The following EXO1 variants were observed in gnomAD, a reference collection of about 807,000 sequenced individuals.
EXO1 encodes the protein exonuclease 1.
Under a neutral mutation model 84.5 loss-of-function variants are expected in EXO1, and 69 were observed. The ratio of observed to expected loss-of-function variants is 0.82; its 90% CI spans 0.67 to 1.00. EXO1 has a LOEUF of 1.00. Ranked by LOEUF, EXO1 falls within the 50% of genes least tolerant of loss-of-function variation. The pLI is 0.00. For missense variants in EXO1, 1,045 were observed against 1,000.7 expected, an observed-to-expected ratio of 1.04 and a Z score of -0.60; for synonymous variants, 373 against 366.1, an observed-to-expected ratio of 1.02 and a Z score of -0.21.
intron 4 of EXO1, 83 bp downstream of exon 4, chr1:241,850,669 T>C: frequency 8.8e-7 from 1 of 1,138,834 alleles, no homozygotes; most frequent in Non-Finnish European, 1.3e-6. Flanking sequence ...AAACGGATTG[T>C]TTTCACTCAA....
chr1:241,866,848 C>T lies in EXO1; in HGVS notation c.1060C>T (p.His354Tyr), dbSNP rs760597120. 1.3e-5 allele frequency: 21 copies of T among 1,612,426 alleles called. No homozygotes were observed. The highest frequency in any genetic ancestry group is 4.0e-5 in the African/African-American group (3 of 74,852). ...DTAMPAHSRS[H>Y]SWDDKTCQKS... ...TTTCTAGCCTGCCCATTCAAGAAGT[C>T]ATAGTTGGGATGACAAAACATGTCA... The change falls in exon 11 of 16, where the codon CAT (histidine) becomes TAT (tyrosine). Residue 354 changes from histidine (H) to tyrosine (Y), a missense_variant. Transcript: ENST00000366548.
chr1:241,873,949 C>T (rs1015190036), intron 12 of EXO1, among the ~76,000 whole-genome samples: 2 of 152,158 alleles, frequency 1.3e-5, no homozygotes, highest in Non-Finnish European at 1.5e-5. Context: ...GGGCTCAGGA[C>T]AACTCCTTGC....
Position 241,889,760 on chromosome 1 carries a change from GT to G in EXO1, c.*167del. 1 of 696,668 alleles carries G rather than the reference GT, an allele frequency of 1.4e-6. No individual in the cohort carries two copies. Among genetic ancestry groups the G allele is most frequent in the Non-Finnish European group, 2.5e-6 (1 of 404,760 alleles). The allele number at this position is 696,668 out of a possible 1,614,324, so 43.2% of individuals were successfully genotyped here. On this transcript the variant is annotated 3_prime_UTR_variant, in exon 16 of 16. Transcript: ENST00000366548. Reference sequence around the variant, plus strand: ...ATATTAACTTTATAATTGGGTTGTGGTTTTTTTGCTCAGCTTTTTATATTTT... The same window carrying G: ...ATATTAACTTTATAATTGGGTTGTGGTTTTTTGCTCAGCTTTTTATATTTT...
At position 241,872,067 on chromosome 1, in the gene EXO1, T is replaced by G. The variant is rs1662132260; in HGVS notation, c.1303T>G (p.Ser435Ala). ...AGAAGATGACCTGTTGAGTCAGTAT[T>G]CTCTTTCATTTACGAAGAAGACCAA... is the stretch of plus-strand genomic sequence containing the variant. ...LSEDDLLSQY[S>A]LSFTKKTKKN... The change falls in exon 12 of 16, where the codon TCT becomes GCT. Residue 435 changes from serine to alanine, a missense_variant. Coordinates refer to ENST00000366548, the MANE Select transcript of EXO1 (RefSeq NM_130398.4). 6.2e-7 allele frequency: 1 copy of G among 1,613,468 alleles called. No homozygotes were observed. Among genetic ancestry groups the G allele is most frequent in the Non-Finnish European group, 8.5e-7 (1 of 1,179,458 alleles).
intron 13 of EXO1, 99 bp downstream of exon 13, chr1:241,879,442 G>A: frequency 1.4e-6 from 1 of 697,988 alleles, no homozygotes; most frequent in South Asian, 1.8e-5. Flanking sequence ...TGAATGACGA[G>A]CTATATTATT....
chr1:241,866,210 T>G (rs1661714123), intron 10 of EXO1, among the ~76,000 whole-genome samples: 1 of 152,212 alleles, frequency 6.6e-6, no homozygotes, highest in Non-Finnish European at 1.5e-5. Flanking sequence ...GCCTCCTGGG[T>G]TCAAGTGATT....
intron 12 of EXO1, among the ~76,000 whole-genome samples, chr1:241,878,247 C>T (rs1662512509): frequency 6.6e-6 from 1 of 152,154 alleles, no homozygotes; most frequent in African/African-American, 2.4e-5. Context: ...GCCTGTAATC[C>T]CAACACTTTG....
intron 6 of EXO1, among the ~76,000 whole-genome samples, chr1:241,853,947 A>C (rs139044227): frequency 7.7e-4 from 117 of 152,132 alleles, no homozygotes; most frequent in Non-Finnish European, 1.3e-3. Flanking sequence ...TGTAACCGGC[A>C]CTCTTGAATG....
At chr1:241,857,879 T>C (rs1176470126) in intron 7 of EXO1, among the ~76,000 whole-genome samples, 2 of 152,206 alleles carry the variant, frequency 1.3e-5, no homozygotes, top group African/African-American at 4.8e-5. Context: ...TATACTAACT[T>C]ATGTACTAAA....
At chr1:241,855,880 G>GC (rs1660995066) in intron 6 of EXO1, among the ~76,000 whole-genome samples, 1 of 152,248 alleles carries the variant, frequency 6.6e-6, no homozygotes, top group Non-Finnish European at 1.5e-5. Context: ...TGAGTGCGGG[G>GC]CCGCCAAGCC....
chr1:241,870,348 A>G (rs1662019767), intron 11 of EXO1, among the ~76,000 whole-genome samples: 1 of 152,200 alleles, frequency 6.6e-6, no homozygotes, highest in South Asian at 2.1e-4. Context: ...TGATTTAAAG[A>G]TAGCCATTGT....
intron 10 of EXO1, among the ~76,000 whole-genome samples, chr1:241,862,038 G>C (rs962303170): frequency 6.6e-6 from 1 of 151,900 alleles, no homozygotes; most frequent in Non-Finnish European, 1.5e-5. Flanking sequence ...TCCCAGGTTC[G>C]AGCAATTCTC....
chr1:241,859,689 A>G (rs531517022), intron 8 of EXO1, among the ~76,000 whole-genome samples: 2 of 152,294 alleles, frequency 1.3e-5, no homozygotes, highest in African/African-American at 4.8e-5. Context: ...GATAATGTGT[A>G]CCCAACCTGT....
At chr1:241,855,390 A>C (rs1452533099) in intron 6 of EXO1, among the ~76,000 whole-genome samples, 5 of 152,178 alleles carry the variant, frequency 3.3e-5, no homozygotes, top group African/African-American at 9.6e-5. Context: ...AGCTAGACAC[A>C]GGGTGCTGAT....
chr1:241,888,175 G>A (rs913054150), intron 15 of EXO1, among the ~76,000 whole-genome samples: 3 of 152,130 alleles, frequency 2.0e-5, no homozygotes, highest in African/African-American at 4.8e-5. Context: ...GGGAGGTGGC[G>A]GTTGCAGTGA....
intron 13 of EXO1, among the ~76,000 whole-genome samples, chr1:241,880,246 C>T (rs868802528): frequency 6.6e-6 from 1 of 152,188 alleles, no homozygotes; most frequent in South Asian, 2.1e-4. Context: ...CTTCATACTG[C>T]ATCTTCTCTT....
intron 12 of EXO1, among the ~76,000 whole-genome samples, chr1:241,872,493 A>T (rs543062139): frequency 1.3e-5 from 2 of 152,134 alleles, no homozygotes; most frequent in South Asian, 4.1e-4. Flanking sequence ...TCCTAATGTT[A>T]TCCCTCCCCT....
chr1:241,865,476 G>T (rs1372722304), intron 10 of EXO1, among the ~76,000 whole-genome samples: 2 of 151,880 alleles, frequency 1.3e-5, no homozygotes, highest in Non-Finnish European at 2.9e-5. Flanking sequence ...CTCCCAAAGT[G>T]CTGGGATTAC....
intron 11 of EXO1, 118 bp from the exon 12 acceptor site, chr1:241,871,914 T>TG (rs1296145206): frequency 2.8e-6 from 2 of 704,180 alleles, no homozygotes; most frequent in South Asian, 2.2e-5. Context: ...AGGCATAGTT[T>TG]TTTTTTTTTT....
Sources: allele counts gnomAD v4.1 joint callset (sites outside exome capture counted in the v4.1 genomes callset), GRCh38; gene constraint gnomAD v4.1.1; transcripts MANE v1.5; gene names NCBI Gene and HGNC (gene_info 2026-07-23, HGNC 2026-07-21).